The following CNTRL variants were observed in gnomAD, a reference collection of about 807,000 sequenced individuals.
CNTRL encodes the protein centriolin.
A neutral mutation model predicts 303.7 loss-of-function variants in CNTRL; 233 were observed. That is an observed-to-expected ratio of 0.77 (90% confidence interval 0.69 to 0.86). The LOEUF (loss-of-function observed/expected upper bound fraction) is 0.86, where lower values mean the gene tolerates loss of function less well. Among genes scored for constraint, CNTRL ranks in the 40% least tolerant of loss-of-function variants. The pLI is 0.00. For synonymous variants in CNTRL, 900 were observed against 922.2 expected, an observed-to-expected ratio of 0.98 and a Z score of 0.44; for missense variants, 2,524 against 2,650.6, an observed-to-expected ratio of 0.95 and a Z score of 1.05.
chr9:121,167,743 C>G, intron 37 of CNTRL, 66 bp downstream of exon 37: 2 of 1,421,260 alleles, frequency 1.4e-6, no homozygotes, highest in South Asian at 2.6e-5. Flanking sequence ...TATTTTTCCC[C>G]TGGCAGAAAG....
intron 14 of CNTRL, among the ~76,000 whole-genome samples, chr9:121,129,755 G>GGGC (rs1204731903): frequency 6.6e-6 from 1 of 152,228 alleles, no homozygotes; most frequent in South Asian, 2.1e-4. Context: ...CATTCAGTAT[G>GGGC]ATATTGGCTG....
At chr9:121,144,798 A>C in intron 20 of CNTRL, 45 bp from the exon 21 acceptor site, 1 of 1,390,590 alleles carries the variant, frequency 7.2e-7, no homozygotes, top group Non-Finnish European at 1.0e-6. Context: ...GAAGAAGACA[A>C]CCTGTGATAG....
intron 14 of CNTRL, among the ~76,000 whole-genome samples, chr9:121,129,767 G>A (rs1051420926): frequency 6.6e-6 from 1 of 152,128 alleles, no homozygotes; most frequent in Non-Finnish European, 1.5e-5. Flanking sequence ...TATTGGCTGT[G>A]GGTTTGTCAT....
chr9:121,109,432 T>G (rs533131766), intron 8 of CNTRL, among the ~76,000 whole-genome samples: 1 of 152,274 alleles, frequency 6.6e-6, no homozygotes, highest in African/African-American at 2.4e-5. Flanking sequence ...TGTACATGCA[T>G]GTATAAAGCC....
intron 20 of CNTRL, 29 bp from the exon 21 acceptor site, chr9:121,144,814 G>A: frequency 2.0e-6 from 3 of 1,512,356 alleles, no homozygotes; most frequent in Non-Finnish European, 2.8e-6. Flanking sequence ...GATAGCAGTG[G>A]TGCCTTTCTC....
chr9:121,158,918 C>G lies in CNTRL; in HGVS notation c.4828C>G (p.Leu1610Val), dbSNP rs149137434. The G allele has an allele frequency of 2.5e-6, 4 of 1,613,874 alleles. No individual in the cohort carries two copies. The highest frequency in any genetic ancestry group is 3.4e-6 in the Non-Finnish European group (4 of 1,179,886). The change falls in exon 31 of 44, where the codon CTG becomes GTG. Residue 1610 changes from leucine (L) to valine (V), a missense_variant. Transcript: ENST00000373855. The stretch of plus-strand genomic sequence containing the variant: ...GCAGTTAGGGCATAAAAAGGAGGAG[C>G]TGCATCTACTCCAAGGAAGCATGGT... ...DRQLGHKKEE[L>V]HLLQGSMVQA...
intron 20 of CNTRL, among the ~76,000 whole-genome samples, chr9:121,144,367 A>G (rs1173286800): frequency 1.3e-5 from 2 of 152,202 alleles, no homozygotes; most frequent in East Asian, 1.9e-4. Flanking sequence ...GTAGCTGTCA[A>G]TATCTACCTG....
intron 20 of CNTRL, 90 bp from the exon 21 acceptor site, chr9:121,144,753 A>T (rs1456900640): frequency 2.0e-6 from 2 of 1,011,458 alleles, no homozygotes; most frequent in Non-Finnish European, 3.1e-6. Flanking sequence ...AGGCAATGTG[A>T]TGAAAGCAGA....
At chr9:121,097,682 A>G (rs1285026364) in intron 6 of CNTRL, among the ~76,000 whole-genome samples, 1 of 152,204 alleles carries the variant, frequency 6.6e-6, no homozygotes. Context: ...CATAGATCTA[A>G]AATTTGCCAT....
chr9:121,119,291 CT>C (rs2050120888), intron 12 of CNTRL, among the ~76,000 whole-genome samples: 1 of 147,512 alleles, frequency 6.8e-6, no homozygotes, highest in Non-Finnish European at 1.5e-5. Flanking sequence ...TTTTTTTCAT[CT>C]TTCTTTCTCT....
intron 4 of CNTRL, among the ~76,000 whole-genome samples, chr9:121,093,255 A>G (rs1334735099): frequency 6.6e-6 from 1 of 152,176 alleles, no homozygotes; most frequent in African/African-American, 2.4e-5. Flanking sequence ...ATGAATTATA[A>G]TCTTGGAGAG....
intron 7 of CNTRL, among the ~76,000 whole-genome samples, chr9:121,104,348 G>A (rs1353356774): frequency 6.6e-6 from 1 of 152,072 alleles, no homozygotes; most frequent in Non-Finnish European, 1.5e-5. Flanking sequence ...ACACAGGGTG[G>A]GTAACACCAC....
At chr9:121,084,690 G>A (rs941770086) in intron 2 of CNTRL, among the ~76,000 whole-genome samples, 1 of 152,050 alleles carries the variant, frequency 6.6e-6, no homozygotes, top group African/African-American at 2.4e-5. Flanking sequence ...GATTCCTGGC[G>A]CTTGCCACCA....
At chr9:121,165,127 G>T in intron 35 of CNTRL, 27 bp downstream of exon 35, 1 of 1,526,380 alleles carries the variant, frequency 6.6e-7, no homozygotes, top group Non-Finnish European at 8.8e-7. Flanking sequence ...CAGTGAAAGT[G>T]TGTGATTTCC....
chr9:121,138,469 A>G, intron 15 of CNTRL, 76 bp from the exon 16 acceptor site: 2 of 1,467,740 alleles, frequency 1.4e-6, no homozygotes, highest in Non-Finnish European at 1.9e-6. Context: ...GTGTATATGT[A>G]AATTTATTTG....
At chr9:121,157,376 C>A in intron 27 of CNTRL, 94 bp from the exon 28 acceptor site, 1 of 1,287,440 alleles carries the variant, frequency 7.8e-7, no homozygotes, top group Non-Finnish European at 1.1e-6. Flanking sequence ...TCTGTACCAT[C>A]TTGTTTTCCA....
At chr9:121,146,688 A>T (rs1375065400) in intron 23 of CNTRL, among the ~76,000 whole-genome samples, 1 of 152,216 alleles carries the variant, frequency 6.6e-6, no homozygotes, top group African/African-American at 2.4e-5. Flanking sequence ...CTGCTCTCAA[A>T]GAGTTCATTG....
At chr9:121,143,308 C>T (rs190367872) in intron 19 of CNTRL, among the ~76,000 whole-genome samples, 1 of 152,272 alleles carries the variant, frequency 6.6e-6, no homozygotes, top group African/African-American at 2.4e-5. Context: ...ATGCTAGACC[C>T]TTGTGCTGTC....
At chr9:121,108,380 C>T (rs1278447051) in intron 8 of CNTRL, among the ~76,000 whole-genome samples, 4 of 151,942 alleles carry the variant, frequency 2.6e-5, no homozygotes, top group African/African-American at 9.7e-5. Context: ...ATGCTGATTC[C>T]CTGGTGCACG....
Sources: gnomAD v4.1 joint callset for allele counts (sites outside exome capture counted in the v4.1 genomes callset) on GRCh38, gnomAD v4.1.1 for gene constraint, MANE v1.5 for transcripts, NCBI Gene and HGNC (gene_info 2026-07-23, HGNC 2026-07-21) for gene names.